Variants in SCG5 observed in about 807,000 individuals in gnomAD.
SCG5 encodes neuroendocrine protein 7B2.
In SCG5, 18 loss-of-function variants were observed where a neutral mutation model predicts 25.7. That is an observed-to-expected ratio of 0.70 (90% CI 0.48 to 1.04). The LOEUF is 1.04. SCG5 is among the 50% of genes least tolerant of loss of function. The pLI, the probability that SCG5 is intolerant of heterozygous loss-of-function variation, is 0.00. For synonymous variants in SCG5, 101 were observed against 91.7 expected, an observed-to-expected ratio of 1.10 and a Z score of -0.58; for missense variants, 206 against 259.8, an observed-to-expected ratio of 0.79 and a Z score of 1.42.
chr15:32,683,869 G>A (rs2054658563), intron 3 of SCG5, among the ~76,000 whole-genome samples: 1 of 152,216 alleles, frequency 6.6e-6, no homozygotes, highest in Admixed American at 6.5e-5. Context: ...AGAAGCCAAA[G>A]TAGTTTCTAA....
At chr15:32,658,279 A>T (rs2054159235) in intron 2 of SCG5, among the ~76,000 whole-genome samples, 1 of 152,016 alleles carries the variant, frequency 6.6e-6, no homozygotes. Flanking sequence ...CATAGCTGCA[A>T]CCTACTAGAT....
chr15:32,692,093 G>T, intron 5 of SCG5: 1 of 1,169,864 alleles, frequency 8.5e-7, no homozygotes, highest in Non-Finnish European at 1.1e-6. Context: ...GCCCTCCCAG[G>T]GTCTGTAGGC....
chr15:32,648,910 T>C (rs1300470762), intron 2 of SCG5, among the ~76,000 whole-genome samples: 1 of 152,166 alleles, frequency 6.6e-6, no homozygotes, highest in African/African-American at 2.4e-5. Context: ...TAGCTGGGAC[T>C]ACAGGCGCCC....
intron 2 of SCG5, among the ~76,000 whole-genome samples, chr15:32,671,010 G>C (rs2140548806): frequency 6.6e-6 from 1 of 152,270 alleles, no homozygotes; most frequent in East Asian, 1.9e-4. Flanking sequence ...TTACATACCA[G>C]GTACTGAGGT....
At chr15:32,664,247 C>T (rs1218495121) in intron 2 of SCG5, among the ~76,000 whole-genome samples, 1 of 152,180 alleles carries the variant, frequency 6.6e-6, no homozygotes, top group Non-Finnish European at 1.5e-5. Flanking sequence ...CATACGCCAG[C>T]TATTAGTAGT....
chr15:32,685,656 C>T (rs1163719656), intron 4 of SCG5, among the ~76,000 whole-genome samples: 1 of 152,098 alleles, frequency 6.6e-6, no homozygotes, highest in African/African-American at 2.4e-5. Context: ...CAAGAAGATC[C>T]CAGCAGACTA....
rs546614799 is a variant in SCG5 at position 32,660,457 on chromosome 15, C to G, written c.226+16639C>G. Among the ~76,000 whole-genome samples the G allele has an allele frequency of 1.1e-3, 173 of 152,340 alleles. 3 individuals are homozygous for G. Among genetic ancestry groups the G allele is most frequent in the East Asian group, 1.9e-3 (10 of 5,186 alleles). ...AGACTGTGTGAATGACCATCAGCCT[C>G]TCTCCAGTCTACCCAAAGGTATCAG... On this transcript the variant is annotated intron_variant, in intron 2 of 5. Transcript: ENST00000300175.
chr15:32,694,970 A>G (rs1350911958), intron 5 of SCG5, among the ~76,000 whole-genome samples: 2 of 151,928 alleles, frequency 1.3e-5, no homozygotes, highest in Admixed American at 1.3e-4. Flanking sequence ...TGAGCATGCA[A>G]CAGGGATTGC....
intron 2 of SCG5, among the ~76,000 whole-genome samples, chr15:32,648,720 CCTGACTGCCCTGT>C (rs2053986231): frequency 6.6e-6 from 1 of 151,644 alleles, no homozygotes; most frequent in Non-Finnish European, 1.5e-5. Flanking sequence ...GAGAGGGCTG[CCTGACTGCCCTGT>C]CTGAGTAGCA....
intron 2 of SCG5, among the ~76,000 whole-genome samples, chr15:32,675,174 G>A (rs1265385798): frequency 6.6e-6 from 1 of 152,202 alleles, no homozygotes; most frequent in African/African-American, 2.4e-5. Context: ...CATGGCTGTG[G>A]TGGAAACATA....
At chr15:32,668,700 T>G (rs1405566261) in intron 2 of SCG5, among the ~76,000 whole-genome samples, 1 of 152,182 alleles carries the variant, frequency 6.6e-6, no homozygotes, top group African/African-American at 2.4e-5. Flanking sequence ...CCAGGCTGAC[T>G]GGAAGGTGAC....
intron 1 of SCG5, among the ~76,000 whole-genome samples, chr15:32,642,046 C>T: frequency 6.6e-6 from 1 of 152,038 alleles, no homozygotes; most frequent in East Asian, 1.9e-4. Flanking sequence ...TGGAGAGCCT[C>T]GTGTCTGCCT....
intron 4 of SCG5, among the ~76,000 whole-genome samples, chr15:32,687,390 G>A (rs770134643): frequency 1.3e-5 from 2 of 152,132 alleles, no homozygotes; most frequent in Non-Finnish European, 2.9e-5. Flanking sequence ...CAATGACCAG[G>A]AACAATGTTT....
chr15:32,668,323 G>A (rs2054355903), intron 2 of SCG5, among the ~76,000 whole-genome samples: 1 of 152,240 alleles, frequency 6.6e-6, no homozygotes, highest in Non-Finnish European at 1.5e-5. Context: ...AAGAAGTAGA[G>A]GAATGGTAAT....
At chr15:32,645,901 A>C (rs1222377217) in intron 2 of SCG5, among the ~76,000 whole-genome samples, 1 of 152,088 alleles carries the variant, frequency 6.6e-6, no homozygotes, top group African/African-American at 2.4e-5. Flanking sequence ...GCTCACTGCA[A>C]GCTCTGCCTC....
intron 1 of SCG5, among the ~76,000 whole-genome samples, chr15:32,643,361 C>T (rs2053895837): frequency 1.3e-5 from 2 of 152,136 alleles, no homozygotes; most frequent in African/African-American, 2.4e-5. Flanking sequence ...AGAATGCAAA[C>T]AGAGGGAATT....
chr15:32,670,237 C>T (rs1254677154), intron 2 of SCG5, among the ~76,000 whole-genome samples: 4 of 152,234 alleles, frequency 2.6e-5, no homozygotes, highest in Non-Finnish European at 5.9e-5. Flanking sequence ...AGGCTCAACC[C>T]AATTTAGATC....
intron 2 of SCG5, among the ~76,000 whole-genome samples, chr15:32,660,286 G>C (rs912309501): frequency 6.6e-6 from 1 of 152,296 alleles, no homozygotes; most frequent in Non-Finnish European, 1.5e-5. Flanking sequence ...TGCCAGATCC[G>C]TGACTCTGAC....
intron 2 of SCG5, among the ~76,000 whole-genome samples, chr15:32,646,883 T>C (rs540490826): frequency 6.6e-6 from 1 of 152,320 alleles, no homozygotes; most frequent in South Asian, 2.1e-4. Flanking sequence ...CCTTCCAACA[T>C]TGATTTTAGG....
Sources: gnomAD v4.1 joint callset for allele counts (sites outside exome capture counted in the v4.1 genomes callset) on GRCh38, gnomAD v4.1.1 for gene constraint, MANE v1.5 for transcripts, NCBI Gene and HGNC (gene_info 2026-07-23, HGNC 2026-07-21) for gene names.